The following ZFHX4 variants were observed in gnomAD, a reference collection of about 807,000 sequenced individuals.
The protein encoded by ZFHX4 is zinc finger homeobox protein 4.
A neutral mutation model predicts 267.6 loss-of-function variants in ZFHX4; 56 were observed. The observed-to-expected ratio is 0.21, with a 90% CI of 0.17 to 0.26. The LOEUF is 0.26. Ranked by LOEUF, ZFHX4 falls within the 10% of genes least tolerant of loss-of-function variation. The probability of loss-of-function intolerance (pLI) is 1.00; values close to 1 mark genes in which losing one functional copy is unlikely to be tolerated. For missense variants in ZFHX4, 4,332 were observed against 4,420.0 expected (o/e 0.98, Z 0.56); for synonymous variants, 1,778 against 1,665.6 (o/e 1.07, Z -1.64).
At chr8:76,727,998 G>A (rs1808898760) in intron 3 of ZFHX4, among the ~76,000 whole-genome samples, 1 of 152,102 alleles carries the variant, frequency 6.6e-6, no homozygotes, top group Non-Finnish European at 1.5e-5. Flanking sequence ...TGGGGGACTT[G>A]AGCTGGAATA....
rs1348541400 is a variant in ZFHX4, at chr8:76,864,170, C to T, written c.10456C>T (p.His3486Tyr). 6.2e-7 allele frequency: 1 copy of T among 1,613,938 alleles called. No individual in the cohort carries two copies. The change falls in exon 11 of 11, where the codon CAT becomes TAT. Residue 3486 changes from histidine to tyrosine, a missense_variant. His to Tyr is a moderately conservative substitution (Grantham distance 83). Coordinates refer to ENST00000651372, the MANE Select transcript of ZFHX4 (RefSeq NM_024721.5). ...ACAAGCAATGAGAAATGCCAAAGAG[C>T]ATGTTAGATTATTACCTCACTCAGT... ...IKQAMRNAKE[H>Y]VRLLPHSVCS...
intron 5 of ZFHX4, among the ~76,000 whole-genome samples, chr8:76,835,209 G>GTATATATATGTATATATATA (rs1406520471): frequency 2.2e-5 from 1 of 46,510 alleles, no homozygotes; most frequent in African/African-American, 1.8e-4. Context: ...TTGCTTTGGT[G>GTATATATATGTATATATATA]TATATATATG....
At chr8:76,833,228 C>G (rs1422675383) in intron 4 of ZFHX4, 110 bp from the exon 5 acceptor site, 6 of 768,792 alleles carry the variant, frequency 7.8e-6, no homozygotes, top group African/African-American at 3.5e-5. Flanking sequence ...TGAGCTTCAC[C>G]TGATACTTAT....
chr8:76,784,901 T>G (rs892466143), intron 4 of ZFHX4, among the ~76,000 whole-genome samples: 4 of 152,118 alleles, frequency 2.6e-5, no homozygotes, highest in African/African-American at 9.6e-5. Context: ...TATGCATTAC[T>G]TGATCAGTTG....
intron 3 of ZFHX4, among the ~76,000 whole-genome samples, chr8:76,742,326 G>C (rs994099360): frequency 6.6e-6 from 1 of 152,054 alleles, no homozygotes; most frequent in Non-Finnish European, 1.5e-5. Context: ...TTAGTAATTT[G>C]AATCTGGCAA....
chr8:76,837,217 C>T (rs1188712298), intron 5 of ZFHX4, among the ~76,000 whole-genome samples: 2 of 151,946 alleles, frequency 1.3e-5, no homozygotes, highest in Admixed American at 6.6e-5. Flanking sequence ...ATAGAGGAGG[C>T]CCCAGCAGAG....
At chr8:76,857,173 G>A (rs1024161349) in intron 10 of ZFHX4, among the ~76,000 whole-genome samples, 10 of 151,862 alleles carry the variant, frequency 6.6e-5, no homozygotes, top group Non-Finnish European at 1.3e-4. Context: ...TAAAGAAATG[G>A]AATATAACGT....
chr8:76,747,384 C>G (rs1448081039), intron 3 of ZFHX4, among the ~76,000 whole-genome samples: 1 of 152,136 alleles, frequency 6.6e-6, no homozygotes, highest in African/African-American at 2.4e-5. Context: ...AGGTAGTGAG[C>G]ATGGTAACCA....
intron 3 of ZFHX4, among the ~76,000 whole-genome samples, chr8:76,749,178 G>T (rs190010579): frequency 6.6e-6 from 1 of 152,226 alleles, no homozygotes; most frequent in Admixed American, 6.5e-5. Flanking sequence ...TGACTATTCA[G>T]TTGAGTCCTT....
chr8:76,785,101 C>T (rs941752317), intron 4 of ZFHX4, among the ~76,000 whole-genome samples: 1 of 151,868 alleles, frequency 6.6e-6, no homozygotes, highest in Non-Finnish European at 1.5e-5. Flanking sequence ...TTTTAATCAT[C>T]AGGGCAAAAA....
chr8:76,727,700 A>T (rs1045402064), intron 3 of ZFHX4, among the ~76,000 whole-genome samples: 6 of 152,234 alleles, frequency 3.9e-5, no homozygotes, highest in African/African-American at 1.4e-4. Context: ...CTTTCTGGGT[A>T]GAAATTCCTA....
Position 76,704,635 on chromosome 8 carries a change from G to A in ZFHX4, c.547G>A (p.Ala183Thr). 2 of 1,613,980 alleles carry A rather than the reference G, an allele frequency of 1.2e-6. No individual in the cohort carries two copies. Among genetic ancestry groups the A allele is most frequent in the South Asian group, 2.2e-5 (2 of 91,078 alleles). The change falls in exon 2 of 11, where the codon GCA becomes ACA. Residue 183 changes from alanine to threonine, a missense_variant. Coordinates refer to ENST00000651372, the MANE Select transcript of ZFHX4 (RefSeq NM_024721.5). ...AGEKSDQSASAPMSFYPQIIN... is the reference protein window; with the variant it reads ...AGEKSDQSASTPMSFYPQIIN... ...AGAGAAGAGTGATCAGTCTGCTTCT[G>A]CACCTATGTCGTTCTACCCACAGAT...
chr8:76,699,775 C>CT (rs59083020), intron 1 of ZFHX4, among the ~76,000 whole-genome samples: 11 of 141,412 alleles, frequency 7.8e-5, no homozygotes, highest in African/African-American at 1.0e-4. Flanking sequence ...AGCCAAAATT[C>CT]TTTTTTTTTT....
chr8:76,690,213 C>G (rs1319485346), intron 1 of ZFHX4, among the ~76,000 whole-genome samples: 1 of 152,042 alleles, frequency 6.6e-6, no homozygotes, highest in African/African-American at 2.4e-5. Flanking sequence ...AATATTTACT[C>G]AGGTCTAAAT....
chr8:76,707,613 C>G lies in ZFHX4; in HGVS notation c.2658C>G (p.Leu886=), dbSNP rs1255608498. ...SGQLMGDDLS[L]LTAGELSPYI... Reference sequence around the variant, plus strand: ...AGCTAATGGGTGATGACCTGTCCCTCCTTACTGCAGGAGAGCTGTCACCTT... The same window carrying G: ...AGCTAATGGGTGATGACCTGTCCCTGCTTACTGCAGGAGAGCTGTCACCTT... The change falls in exon 3 of 11, where the codon CTC becomes CTG. Residue 886 remains leucine (L), a synonymous_variant. Transcript: ENST00000651372. 1 of 1,613,818 alleles carries G rather than the reference C, an allele frequency of 6.2e-7. No individual in the cohort carries two copies. The highest frequency in any genetic ancestry group is 1.1e-5 in the South Asian group (1 of 91,066).
rs1813018061 is a variant in ZFHX4, at chr8:76,866,059, CA to C, written c.*1497del. On this transcript the variant is annotated 3_prime_UTR_variant, in exon 11 of 11. Transcript: ENST00000651372. ...GGAACTTAAAGAATGTGAAAGCTGTCAAAGGGTATTTTACGAATCACTTTTG... is the reference window on the plus strand; with the variant it reads ...GGAACTTAAAGAATGTGAAAGCTGTCAAGGGTATTTTACGAATCACTTTTG... 1 of 152,450 alleles carries C rather than the reference CA, an allele frequency of 6.6e-6. No homozygotes were observed. The highest frequency in any genetic ancestry group is 1.5e-5 in the Non-Finnish European group (1 of 68,014). 9.4% of individuals were successfully genotyped at this position (152,450 alleles called of 1,614,324 possible). A position where few individuals can be genotyped will look rare whatever the true frequency, so the allele number is the denominator to read the frequency against.
intron 3 of ZFHX4, among the ~76,000 whole-genome samples, chr8:76,714,459 C>A (rs1808511897): frequency 1.3e-5 from 2 of 152,118 alleles, no homozygotes; most frequent in Admixed American, 1.3e-4. Flanking sequence ...CTGCCTGCCC[C>A]CCAAATTATC....
At chr8:76,836,339 A>T (rs144984447) in intron 5 of ZFHX4, among the ~76,000 whole-genome samples, 1 of 152,280 alleles carries the variant, frequency 6.6e-6, no homozygotes, top group East Asian at 1.9e-4. Context: ...AGACCTACTG[A>T]ATCAGAGACA....
At chr8:76,838,022 G>A (rs376809934) in intron 5 of ZFHX4, among the ~76,000 whole-genome samples, 2 of 152,186 alleles carry the variant, frequency 1.3e-5, no homozygotes, top group African/African-American at 2.4e-5. Context: ...TATTAACTCC[G>A]TTTTCATAGA....
Sources: allele counts gnomAD v4.1 joint callset (sites outside exome capture counted in the v4.1 genomes callset), GRCh38; gene constraint gnomAD v4.1.1; transcripts MANE v1.5; gene names NCBI Gene and HGNC (gene_info 2026-07-23, HGNC 2026-07-21).